The following CDK13 variants were observed in gnomAD, a reference collection of about 807,000 sequenced individuals.
The protein encoded by CDK13 is cyclin dependent kinase 13.
Under a neutral mutation model 137.6 loss-of-function variants are expected in CDK13, and 40 were observed. The observed-to-expected ratio is 0.29, with a 90% CI of 0.23 to 0.38. CDK13 has a LOEUF of 0.38. CDK13 is among the 10% of genes least tolerant of loss of function. The pLI is 1.00. For synonymous variants in CDK13, 869 were observed against 760.1 expected (o/e 1.14, Z -2.36); for missense variants, 1,704 against 1,951.8 (o/e 0.87, Z 2.39).
In CDK13 at chr7:39,951,735, G is replaced by A. The variant is rs776781340; in HGVS notation, c.1094G>A (p.Arg365His). The A allele has an allele frequency of 1.3e-6, 2 of 1,484,776 alleles. No homozygotes were observed. The highest frequency in any genetic ancestry group is 5.1e-5 in the East Asian group (2 of 39,166). The allele number at this position is 1,484,776 out of a possible 1,614,324, so 92.0% of individuals were successfully genotyped here. A position where few individuals can be genotyped will look rare whatever the true frequency, so the allele number is the denominator to read the frequency against. Reference sequence around the variant, plus strand: ...CGCTCCCCGAGCCCCTACAGTCGCCGCCGCTCCCCCAGCTACAGCCGCCAC... The same window carrying A: ...CGCTCCCCGAGCCCCTACAGTCGCCACCGCTCCCCCAGCTACAGCCGCCAC... ...LPRSPSPYSR[R>H]RSPSYSRHSS... The change falls in exon 1 of 14, where the codon CGC becomes CAC. Residue 365 changes from arginine (R) to histidine (H), a missense_variant. Arg to His is a conservative substitution (Grantham distance 29). Transcript: ENST00000181839.
At position 39,951,358 on chromosome 7, in the gene CDK13, C is replaced by T. The variant is rs1244391782; in HGVS notation, c.717C>T (p.Gly239=). 11 of 1,497,668 alleles carry T rather than the reference C, an allele frequency of 7.3e-6. No homozygotes were observed. The highest frequency in any genetic ancestry group is 6.3e-5 in the South Asian group (5 of 79,714). The allele number at this position is 1,497,668 out of a possible 1,614,324, so 92.8% of individuals were successfully genotyped here. Residue 239 remains glycine (G), a synonymous_variant, in exon 1 of 14, where the codon GGC becomes GGT. Transcript: ENST00000181839. ...SKSRSRHSHS[G]EERAEVAKSG... Reference sequence around the variant, plus strand: ...CCCGCAGCCGCCACAGCCACAGCGGCGAGGAACGGGCCGAGGTCGCCAAGA... The same window carrying T: ...CCCGCAGCCGCCACAGCCACAGCGGTGAGGAACGGGCCGAGGTCGCCAAGA...
intron 11 of CDK13, among the ~76,000 whole-genome samples, chr7:40,085,346 G>C (rs1459153427): frequency 1.3e-5 from 2 of 150,626 alleles, no homozygotes; most frequent in Admixed American, 1.3e-4. Flanking sequence ...GGGTGACAGA[G>C]CACGAGAGCA....
At chr7:40,062,567 A>T (rs1786179213) in intron 7 of CDK13, 3 of 346,604 alleles carry the variant, frequency 8.7e-6, no homozygotes, top group Non-Finnish European at 1.1e-5. Context: ...GGCGTGAGCC[A>T]CCGTGCCCAG....
chr7:40,022,850 T>C (rs1269335210), intron 5 of CDK13, among the ~76,000 whole-genome samples: 1 of 150,254 alleles, frequency 6.7e-6, no homozygotes, highest in African/African-American at 2.4e-5. Context: ...TTTTTTTCTT[T>C]TCGTCTTCTT....
At chr7:40,080,825 A>G (rs1321967187) in intron 11 of CDK13, among the ~76,000 whole-genome samples, 1 of 152,200 alleles carries the variant, frequency 6.6e-6, no homozygotes, top group Non-Finnish European at 1.5e-5. Context: ...TTCCTGAACT[A>G]GTTGGATATC....
chr7:40,024,364 T>G (rs1339307656), intron 5 of CDK13, among the ~76,000 whole-genome samples: 1 of 152,230 alleles, frequency 6.6e-6, no homozygotes, highest in Non-Finnish European at 1.5e-5. Flanking sequence ...AGATGCCAGT[T>G]GTACTGCCTC....
At position 39,950,591 on chromosome 7, in the gene CDK13, G is replaced by T; in HGVS notation, c.-51G>T. 7.7e-7 allele frequency: 1 copy of T among 1,292,604 alleles called. No homozygotes were observed. The highest frequency in any genetic ancestry group is 2.3e-5 in the South Asian group (1 of 43,646). The allele number at this position is 1,292,604 out of a possible 1,614,324, so 80.1% of individuals were successfully genotyped here. On this transcript the variant is annotated 5_prime_UTR_variant, in exon 1 of 14. It removes the in-frame stop codon of an upstream open reading frame in the 5' UTR. Coordinates refer to ENST00000181839, the MANE Select transcript of CDK13 (RefSeq NM_003718.5). ...CCGGCGGGGGAGATGGCCAGGATCT[G>T]ACCCGGGAGGAGGCCGCACCCGCGC...
chr7:39,972,486 A>G (rs1784020450), intron 1 of CDK13, among the ~76,000 whole-genome samples: 1 of 152,128 alleles, frequency 6.6e-6, no homozygotes, highest in Non-Finnish European at 1.5e-5. Flanking sequence ...CCCACATTCC[A>G]CAGTTTTGGC....
chr7:39,969,632 G>T (rs141366517), intron 1 of CDK13, among the ~76,000 whole-genome samples: 141 of 152,196 alleles, frequency 9.3e-4, no homozygotes, highest in Non-Finnish European at 1.6e-3. Context: ...AGTCAGTAGA[G>T]TATGGGATTC....
intron 1 of CDK13, among the ~76,000 whole-genome samples, chr7:39,967,310 C>G (rs577217428): frequency 2.6e-5 from 4 of 152,014 alleles, no homozygotes; most frequent in Non-Finnish European, 4.4e-5. Flanking sequence ...ACCTGTAGTT[C>G]CAGATACTTG....
intron 4 of CDK13, among the ~76,000 whole-genome samples, chr7:40,001,180 A>G (rs1784677453): frequency 6.6e-6 from 1 of 151,992 alleles, no homozygotes; most frequent in African/African-American, 2.4e-5. Flanking sequence ...CTTAAAAAAA[A>G]TAAAAATGAC....
intron 1 of CDK13, among the ~76,000 whole-genome samples, chr7:39,970,844 T>C (rs982541922): frequency 2.6e-5 from 4 of 152,242 alleles, no homozygotes; most frequent in South Asian, 2.1e-4. Context: ...GAGGCACTTA[T>C]ATTTACTCAA....
At position 40,047,862 on chromosome 7, in the gene CDK13, A is replaced by G; in HGVS notation, c.2585A>G (p.Tyr862Cys). The G allele has an allele frequency of 1.2e-6, 2 of 1,609,030 alleles. No individual in the cohort carries two copies. The highest frequency in any genetic ancestry group is 1.7e-6 in the Non-Finnish European group (2 of 1,175,800). ...GCAGACTTTGGACTTGCTCGATTGT[A>G]TAGCTCAGAAGAAAGGTAAGCATAC... ...KLADFGLARL[Y>C]SSEESRPYTN... Residue 862 changes from tyrosine (Y) to cysteine (C), a missense_variant, in exon 7 of 14, where the codon TAT becomes TGT. Transcript: ENST00000181839.
intron 5 of CDK13, among the ~76,000 whole-genome samples, chr7:40,038,951 T>C (rs557306249): frequency 6.6e-6 from 1 of 152,318 alleles, no homozygotes; most frequent in East Asian, 1.9e-4. Context: ...CACCTCAGCG[T>C]CCCAAAGTGC....
intron 7 of CDK13, 103 bp downstream of exon 7, chr7:40,047,980 A>G (rs916774099): frequency 5.4e-6 from 4 of 741,268 alleles, no homozygotes; most frequent in Non-Finnish European, 9.2e-6. Context: ...AGAGAAGTTT[A>G]CTTTTCATGG....
intron 5 of CDK13, among the ~76,000 whole-genome samples, chr7:40,029,110 C>T (rs1156350577): frequency 6.6e-6 from 1 of 151,156 alleles, no homozygotes; most frequent in African/African-American, 2.4e-5. Flanking sequence ...CTCAGATGAA[C>T]CATGTAGCCT....
chr7:39,976,323 T>TCTCTCTCTCTCTCTCTCTCTCACACA, intron 1 of CDK13, among the ~76,000 whole-genome samples: 18 of 39,572 alleles, frequency 4.5e-4, no homozygotes, highest in East Asian at 2.8e-3. Flanking sequence ...TCTCTCTCTC[T>TCTCTCTCTCTCTCTCTCTCTCACACA]CACACACACA....
chr7:39,999,880 C>T (rs1784647825), intron 4 of CDK13, among the ~76,000 whole-genome samples: 1 of 110,400 alleles, frequency 9.1e-6, no homozygotes, highest in South Asian at 3.0e-4. Flanking sequence ...TTTCATTTAG[C>T]CTTCAGTTTT....
chr7:40,030,872 A>G (rs1785364018), intron 5 of CDK13, among the ~76,000 whole-genome samples: 1 of 152,152 alleles, frequency 6.6e-6, no homozygotes, highest in Non-Finnish European at 1.5e-5. Context: ...TTCACTCAAA[A>G]TATTCCATTG....
Sources: gnomAD v4.1 joint callset for allele counts (sites outside exome capture counted in the v4.1 genomes callset) on GRCh38, gnomAD v4.1.1 for gene constraint, MANE v1.5 for transcripts, NCBI Gene and HGNC (gene_info 2026-07-23, HGNC 2026-07-21) for gene names.